UTP23: variants seen among roughly 807,000 people sequenced by gnomAD.
The protein encoded by UTP23 is UTP23 small subunit processome component, also known as rRNA-processing protein UTP23 homolog.
In UTP23, 10 loss-of-function variants were observed where a neutral mutation model predicts 19.8. The observed-to-expected ratio is 0.50, with a 90% CI of 0.31 to 0.86. The LOEUF is 0.86. Ranked by LOEUF, UTP23 falls within the 40% of genes least tolerant of loss-of-function variation. UTP23 has a pLI of 0.05. For missense variants in UTP23, 282 were observed against 293.1 expected, an observed-to-expected ratio of 0.96 and a Z score of 0.28; for synonymous variants, 108 against 105.4, an observed-to-expected ratio of 1.02 and a Z score of -0.15.
At chr8:116,770,146 C>T (rs4514005) in intron 1 of UTP23, 46 bp from the exon 2 acceptor site, 1,097,491 of 1,457,878 alleles carry the variant, frequency 0.75, 419,932 homozygotes, top group African/African-American at 0.81. Flanking sequence ...TTTTTTACAC[C>T]TTATGTAAAC....
intron 1 of UTP23, among the ~76,000 whole-genome samples, chr8:116,767,482 C>T (rs1815600181): frequency 6.6e-6 from 1 of 152,194 alleles, no homozygotes; most frequent in African/African-American, 2.4e-5. Flanking sequence ...GATGTTTCCC[C>T]ACTTCATTGA....
intron 1 of UTP23, among the ~76,000 whole-genome samples, chr8:116,769,899 G>T (rs1306398072): frequency 6.6e-6 from 1 of 152,146 alleles, no homozygotes; most frequent in African/African-American, 2.4e-5. Context: ...CTAAAATAAG[G>T]ATAATTTCAA....
At position 116,766,900 on chromosome 8, in the gene UTP23, C is replaced by T. The variant is rs1401338598; in HGVS notation, c.188+109C>T. On this transcript the variant is annotated intron_variant, in intron 1 of 2. Coordinates refer to ENST00000309822, the MANE Select transcript of UTP23 (RefSeq NM_032334.3). ...CGAGCTCAGGAGGTGCAAAACGCCCCGCCCACGTGGAGTTGACAGTTAAGT... is the reference window on the plus strand; with the variant it reads ...CGAGCTCAGGAGGTGCAAAACGCCCTGCCCACGTGGAGTTGACAGTTAAGT... 4.5e-6 allele frequency: 5 copies of T among 1,112,902 alleles called. No individual in the cohort carries two copies. The East Asian group carries it at 1.1e-4, about 24-fold the overall frequency. The allele number at this position is 1,112,902 out of a possible 1,614,324, so 68.9% of individuals were successfully genotyped here.
Position 116,771,568 on chromosome 8 carries a change from AAGCAGTGG to A in UTP23, c.479_486del (p.Ala160ValfsTer9). On this transcript the variant is annotated frameshift_variant, in exon 3 of 3. Transcript: ENST00000309822. LOFTEE classifies it high-confidence loss of function. ...TCTCCCAAAACAATTGCCTTTGTAAAAGCAGTGGAGTCAGGTCAGCTTGTCTCAGTGCA... is the reference window on the plus strand; with the variant it reads ...TCTCCCAAAACAATTGCCTTTGTAAAAGTCAGGTCAGCTTGTCTCAGTGCA... The A allele has an allele frequency of 6.2e-7, 1 of 1,612,956 alleles. No individual in the cohort carries two copies. The highest frequency in any genetic ancestry group is 1.1e-5 in the South Asian group (1 of 90,642).
At position 116,774,295 on chromosome 8, in the gene UTP23, T is replaced by C. The variant is rs914648769; in HGVS notation, c.*2453T>C. 3 of 985,268 alleles carry C rather than the reference T, an allele frequency of 3.0e-6. No individual in the cohort carries two copies. Among genetic ancestry groups the C allele is most frequent in the African/African-American group, 1.7e-5 (1 of 57,224 alleles). The allele number at this position is 985,268 out of a possible 1,614,324, so 61.0% of individuals were successfully genotyped here. On this transcript the variant is annotated 3_prime_UTR_variant, in exon 3 of 3. Coordinates refer to ENST00000309822, the MANE Select transcript of UTP23 (RefSeq NM_032334.3). Reference sequence around the variant, plus strand: ...CAGCTACTTCTTATCCCTGCAAGTATATAAATTAAAACCAAGTCACTTTAG... The same window carrying C: ...CAGCTACTTCTTATCCCTGCAAGTACATAAATTAAAACCAAGTCACTTTAG...
chr8:116,773,123 C>T lies in UTP23; in HGVS notation c.*1281C>T, dbSNP rs899147496. ...TATAGCTTTACACCAAGGAGTGACACGTAGACTAATCTGGCAAGCCAAGGT... is the reference window on the plus strand; with the variant it reads ...TATAGCTTTACACCAAGGAGTGACATGTAGACTAATCTGGCAAGCCAAGGT... On this transcript the variant is annotated 3_prime_UTR_variant, in exon 3 of 3. Coordinates refer to ENST00000309822, the MANE Select transcript of UTP23 (RefSeq NM_032334.3). 7 of 985,252 alleles carry T rather than the reference C, an allele frequency of 7.1e-6. No homozygotes were observed. Among genetic ancestry groups the T allele is most frequent in the East Asian group, 1.1e-4 (1 of 8,834 alleles). The allele number at this position is 985,252 out of a possible 1,614,324, so 61.0% of individuals were successfully genotyped here.
intron 1 of UTP23, 64 bp from the exon 2 acceptor site, chr8:116,770,128 G>A: frequency 7.2e-7 from 1 of 1,392,864 alleles, no homozygotes; most frequent in Admixed American, 2.3e-5. Context: ...AGAAAAAATC[G>A]ACTATTGTTT....
In UTP23 at chr8:116,766,653, G is replaced by A. The variant is rs1037090864; in HGVS notation, c.50G>A (p.Arg17His). ...KHAKKHLGFF[R>H]NNFGVREPYQ... The stretch of plus-strand genomic sequence containing the variant: ...GCCAAGAAGCATCTTGGCTTCTTCC[G>A]CAACAACTTCGGAGTCCGCGAGCCG... The change falls in exon 1 of 3, where the codon CGC (arginine) becomes CAC (histidine). Residue 17 changes from arginine to histidine, a missense_variant. Physicochemically the swap from Arg to His is conservative, Grantham distance 29. Coordinates refer to ENST00000309822, the MANE Select transcript of UTP23 (RefSeq NM_032334.3). The A allele has an allele frequency of 1.4e-5, 22 of 1,611,596 alleles. No homozygotes were observed. The highest frequency in any genetic ancestry group is 1.9e-4 in the Middle Eastern group (1 of 5,260).
rs1586506795 is a variant in UTP23, at chr8:116,772,209, T to A, written c.*367T>A. On this transcript the variant is annotated 3_prime_UTR_variant, in exon 3 of 3. Coordinates refer to ENST00000309822, the MANE Select transcript of UTP23 (RefSeq NM_032334.3). ...AAAAAAAATAAAAACAGTGAATGGG[T>A]GTAGGTGTGATGGAATTCACTTTAC... The A allele has an allele frequency of 2.0e-6, 2 of 992,002 alleles. No individual in the cohort carries two copies. Among genetic ancestry groups the A allele is most frequent in the African/African-American group, 3.5e-5 (2 of 57,496 alleles). 61.4% of individuals were successfully genotyped at this position (992,002 alleles called of 1,614,324 possible). A position where few individuals can be genotyped will look rare whatever the true frequency, so the allele number is the denominator to read the frequency against.
chr8:116,773,197 G>C lies in UTP23; in HGVS notation c.*1355G>C. The C allele has an allele frequency of 2.0e-6, 2 of 985,350 alleles. No homozygotes were observed. Among genetic ancestry groups the C allele is most frequent in the South Asian group, 9.4e-5 (2 of 21,286 alleles). 61.0% of individuals were successfully genotyped at this position (985,350 alleles called of 1,614,324 possible). A position where few individuals can be genotyped will look rare whatever the true frequency, so the allele number is the denominator to read the frequency against. ...ATTCTATTTTAAATTCTTGATGGTA[G>C]AAACATTTTTAATAAGGAAGGTAAA... On this transcript the variant is annotated 3_prime_UTR_variant, in exon 3 of 3. Coordinates refer to ENST00000309822, the MANE Select transcript of UTP23 (RefSeq NM_032334.3).
intron 1 of UTP23, among the ~76,000 whole-genome samples, chr8:116,769,727 C>T (rs138724606): frequency 6.6e-6 from 1 of 152,028 alleles, no homozygotes; most frequent in South Asian, 2.1e-4. Context: ...TTTTACTGTT[C>T]TGAATTGAAA....
At position 116,772,581 on chromosome 8, in the gene UTP23, G is replaced by GTA. The variant is rs1212755629; in HGVS notation, c.*741_*742dup. The GTA allele has an allele frequency of 5.5e-5, 54 of 984,648 alleles. No individual in the cohort carries two copies. The highest frequency in any genetic ancestry group is 6.2e-5 in the Admixed American group (1 of 16,242). 61.0% of individuals were successfully genotyped at this position (984,648 alleles called of 1,614,324 possible). On this transcript the variant is annotated 3_prime_UTR_variant, in exon 3 of 3. Coordinates refer to ENST00000309822, the MANE Select transcript of UTP23 (RefSeq NM_032334.3). ...TTACTCTTTGTACATCAGAAACTCA[G>GTA]TATTTTCATTATTATGACTAGAGTT...
chr8:116,766,932 G>A, intron 1 of UTP23, 141 bp downstream of exon 1: 3 of 817,124 alleles, frequency 3.7e-6, no homozygotes. Context: ...AAGTGGAGAG[G>A]TGAAGGTGGT....
Position 116,772,477 on chromosome 8 carries a change from AATT to A in UTP23, c.*639_*641del. ...TTATACCGCTACTTTTTGATACATC[AATT>A]ATTTATTGACTTCCTACTAGAAAGA... On this transcript the variant is annotated 3_prime_UTR_variant, in exon 3 of 3. Coordinates refer to ENST00000309822, the MANE Select transcript of UTP23 (RefSeq NM_032334.3). 1 of 966,848 alleles carries A rather than the reference AATT, an allele frequency of 1.0e-6. No homozygotes were observed. Among genetic ancestry groups the A allele is most frequent in the Non-Finnish European group, 1.2e-6 (1 of 813,072 alleles). 59.9% of individuals were successfully genotyped at this position (966,848 alleles called of 1,614,324 possible). A position where few individuals can be genotyped will look rare whatever the true frequency, so the allele number is the denominator to read the frequency against.
intron 1 of UTP23, among the ~76,000 whole-genome samples, chr8:116,768,991 CT>C (rs1046150080): frequency 3.2e-4 from 48 of 152,254 alleles, no homozygotes; most frequent in African/African-American, 1.0e-3. Flanking sequence ...GCAGTTTCCC[CT>C]CCCTTTAAAT....
rs188935823 is a variant in UTP23, at chr8:116,766,740, G to A, written c.137G>A (p.Arg46Gln). The A allele has an allele frequency of 1.2e-6, 2 of 1,601,622 alleles. No homozygotes were observed. Among genetic ancestry groups the A allele is most frequent in the African/African-American group, 1.3e-5 (1 of 74,660 alleles). ...GCGCTGCGGGGCCGCATCCAGCTGC[G>A]GGAGCAGCTGCCCCGCTACCTCATG... ...QAALRGRIQL[R>Q]EQLPRYLMGE... Residue 46 changes from arginine to glutamine, a missense_variant, in exon 1 of 3, where the codon CGG becomes CAG. Transcript: ENST00000309822.
chr8:116,768,071 C>A (rs1815607670), intron 1 of UTP23, among the ~76,000 whole-genome samples: 2 of 152,130 alleles, frequency 1.3e-5, no homozygotes, highest in Non-Finnish European at 1.5e-5. Context: ...ACAGCCATAA[C>A]AAAGTATGGG....
Position 116,772,189 on chromosome 8 carries a change from A to G in UTP23, c.*347A>G. ...AGAGTGAGAACATGTCTCAAAAAAAAAATAAAAACAGTGAATGGGTGTAGG... is the reference window on the plus strand; with the variant it reads ...AGAGTGAGAACATGTCTCAAAAAAAGAATAAAAACAGTGAATGGGTGTAGG... On this transcript the variant is annotated 3_prime_UTR_variant, in exon 3 of 3. Transcript: ENST00000309822. 1.0e-6 allele frequency: 1 copy of G among 1,001,378 alleles called. No homozygotes were observed. The highest frequency in any genetic ancestry group is 1.2e-6 in the Non-Finnish European group (1 of 840,576). The allele number at this position is 1,001,378 out of a possible 1,614,324, so 62.0% of individuals were successfully genotyped here.
rs1234330942 is a variant in UTP23, at chr8:116,773,237, G to C, written c.*1395G>C. 2 of 985,272 alleles carry C rather than the reference G, an allele frequency of 2.0e-6. No homozygotes were observed. Among genetic ancestry groups the C allele is most frequent in the African/African-American group, 1.7e-5 (1 of 57,244 alleles). The allele number at this position is 985,272 out of a possible 1,614,324, so 61.0% of individuals were successfully genotyped here. On this transcript the variant is annotated 3_prime_UTR_variant, in exon 3 of 3. Coordinates refer to ENST00000309822, the MANE Select transcript of UTP23 (RefSeq NM_032334.3). ...AGGAAGGTAAAAATACTGGAAAAAA[G>C]TGAATAGTGTAGGTTTTGTGAGGAA... is the stretch of plus-strand genomic sequence containing the variant.
Sources: allele counts gnomAD v4.1 joint callset (sites outside exome capture counted in the v4.1 genomes callset), GRCh38; gene constraint gnomAD v4.1.1; transcripts MANE v1.5; gene names NCBI Gene and HGNC (gene_info 2026-07-23, HGNC 2026-07-21).